Variants in SMYD3 observed in about 807,000 individuals in gnomAD.
SMYD3 encodes the protein histone-lysine N-methyltransferase SMYD3.
A neutral mutation model predicts 57.7 loss-of-function variants in SMYD3; 36 were observed. The ratio of observed to expected loss-of-function variants is 0.62; its 90% CI spans 0.48 to 0.82. The LOEUF is 0.82. Among genes scored for constraint, SMYD3 ranks in the 40% least tolerant of loss-of-function variants. SMYD3 has a pLI of 0.00. For synonymous variants in SMYD3, 211 were observed against 195.0 expected (o/e 1.08, Z -0.68); for missense variants, 515 against 538.8 (o/e 0.96, Z 0.44).
intron 5 of SMYD3, among the ~76,000 whole-genome samples, chr1:246,285,905 G>A (rs909946782): frequency 9.2e-5 from 14 of 152,030 alleles, no homozygotes; most frequent in African/African-American, 3.4e-4. Context: ...CCTCACTAAT[G>A]ATCAGGGAAA....
intron 10 of SMYD3, among the ~76,000 whole-genome samples, chr1:245,821,419 G>A (rs1226522119): frequency 2.0e-5 from 3 of 150,420 alleles, no homozygotes; most frequent in African/African-American, 7.3e-5. Context: ...AGACTTAAAT[G>A]TTAGACCTAA....
At chr1:246,481,914 T>G (rs1182942974) in intron 1 of SMYD3, among the ~76,000 whole-genome samples, 6 of 151,726 alleles carry the variant, frequency 4.0e-5, no homozygotes, top group Non-Finnish European at 8.8e-5. Flanking sequence ...CCCAGCACTT[T>G]GGGAGGCCAA....
At chr1:245,818,088 A>C (rs992801849) in intron 10 of SMYD3, among the ~76,000 whole-genome samples, 1 of 151,976 alleles carries the variant, frequency 6.6e-6, no homozygotes, top group African/African-American at 2.4e-5. Context: ...TCCAAGACAC[A>C]TAATTGTCAG....
intron 5 of SMYD3, among the ~76,000 whole-genome samples, chr1:246,078,826 C>T (rs2060589220): frequency 1.3e-5 from 2 of 152,134 alleles, no homozygotes; most frequent in South Asian, 2.1e-4. Context: ...GAAAAGTCAA[C>T]GATGATCTAT....
At chr1:246,084,195 C>CTTTTTTTT (rs772938424) in intron 5 of SMYD3, among the ~76,000 whole-genome samples, 101 of 135,430 alleles carry the variant, frequency 7.5e-4, no homozygotes, top group African/African-American at 2.3e-3. Context: ...CTGACAATTC[C>CTTTTTTTT]TTTTTTTTTT....
intron 11 of SMYD3, among the ~76,000 whole-genome samples, chr1:245,754,083 T>C (rs1002191622): frequency 3.3e-5 from 5 of 152,166 alleles, no homozygotes; most frequent in Non-Finnish European, 5.9e-5. Context: ...AAAAGCAGCA[T>C]AGCTTGTCTG....
At chr1:246,292,271 C>T (rs2064709006) in intron 5 of SMYD3, among the ~76,000 whole-genome samples, 1 of 151,966 alleles carries the variant, frequency 6.6e-6, no homozygotes, top group African/African-American at 2.4e-5. Context: ...GACTTACTAT[C>T]CAACACACCA....
At chr1:246,429,578 C>T (rs1032992184) in intron 1 of SMYD3, among the ~76,000 whole-genome samples, 5 of 152,216 alleles carry the variant, frequency 3.3e-5, no homozygotes, top group African/African-American at 1.2e-4. Context: ...ACTCTATACA[C>T]AGGCTGAGAA....
At chr1:246,284,294 C>G (rs2064510955) in intron 5 of SMYD3, among the ~76,000 whole-genome samples, 1 of 152,212 alleles carries the variant, frequency 6.6e-6, no homozygotes, top group Non-Finnish European at 1.5e-5. Flanking sequence ...AATCTTTCAG[C>G]TTTCCTTTGA....
intron 1 of SMYD3, among the ~76,000 whole-genome samples, chr1:246,485,749 C>T (rs1203054097): frequency 2.6e-5 from 4 of 152,084 alleles, no homozygotes. Context: ...AGGATCACAC[C>T]ACTGCAGTCC....
At chr1:245,968,481 A>G (rs2058212103) in intron 5 of SMYD3, among the ~76,000 whole-genome samples, 1 of 152,326 alleles carries the variant, frequency 6.6e-6, no homozygotes, top group South Asian at 2.1e-4. Context: ...TTTCCATTTC[A>G]ACAAAATGAT....
chr1:246,211,890 G>GTAAT (rs2063094337), intron 5 of SMYD3, among the ~76,000 whole-genome samples: 1 of 149,546 alleles, frequency 6.7e-6, no homozygotes, highest in Non-Finnish European at 1.5e-5. Flanking sequence ...TGAGTAAAAT[G>GTAAT]TAATCCCTGT....
rs568231411 is a variant in SMYD3, at chr1:245,809,596, C to T, written c.1077-45447G>A. Among the ~76,000 whole-genome samples, 14 of 152,312 alleles carry T rather than the reference C, an allele frequency of 9.2e-5. 1 individual carries two copies. Among genetic ancestry groups the T allele is most frequent in the African/African-American group, 1.4e-4 (6 of 41,572 alleles). The stretch of plus-strand genomic sequence containing the variant: ...AGGTGAGAGAGAACAAGGAGTGCAA[C>T]GTCAGGAAGGCATTGTTTAGATTCC... On this transcript the variant is annotated intron_variant, in intron 10 of 11. Coordinates refer to ENST00000490107, the MANE Select transcript of SMYD3 (RefSeq NM_001167740.2).
intron 1 of SMYD3, among the ~76,000 whole-genome samples, chr1:246,500,034 T>C (rs1016949109): frequency 1.9e-5 from 2 of 105,798 alleles, no homozygotes; most frequent in Non-Finnish European, 4.1e-5. Context: ...TGTTGCCTGA[T>C]AATGCTGGAT....
chr1:246,189,221 C>T (rs2148318265), intron 5 of SMYD3: 1 of 152,284 alleles, frequency 6.6e-6, no homozygotes, highest in South Asian at 2.1e-4. Flanking sequence ...CCTCCCACCC[C>T]ACTACACAGA....
intron 10 of SMYD3, among the ~76,000 whole-genome samples, chr1:245,765,576 T>C (rs1454991087): frequency 6.6e-6 from 1 of 152,134 alleles, no homozygotes; most frequent in East Asian, 1.9e-4. Flanking sequence ...ATACAAGTAT[T>C]GTGAAGACAA....
intron 5 of SMYD3, among the ~76,000 whole-genome samples, chr1:245,970,076 A>G (rs2148022442): frequency 1.3e-5 from 2 of 152,376 alleles, no homozygotes; most frequent in Middle Eastern, 3.4e-3. Context: ...ACAAGGCTAC[A>G]GCAGCCAAAA....
intron 5 of SMYD3, among the ~76,000 whole-genome samples, chr1:246,200,479 G>A (rs200724026): frequency 2.6e-5 from 4 of 150,980 alleles, no homozygotes; most frequent in African/African-American, 9.8e-5. Context: ...GTACACAGAC[G>A]CCCACTGTAA....
rs1351872729 is a variant in SMYD3, at chr1:246,275,903, A to G, written c.531+51298T>C. 2.0e-5 allele frequency among the ~76,000 whole-genome samples: 3 copies of G among 151,950 alleles called. No individual in the cohort carries two copies. The South Asian group carries it at 6.2e-4, about 32-fold the overall frequency. ...CACTGGCAAGTTATTTAATGTTTCT[A>G]GTGGAGTCTGATGCCCATGTTTGAA... On this transcript the variant is annotated intron_variant, in intron 5 of 11. Coordinates refer to ENST00000490107, the MANE Select transcript of SMYD3 (RefSeq NM_001167740.2).
Sources: allele counts gnomAD v4.1 joint callset (sites outside exome capture counted in the v4.1 genomes callset), GRCh38; gene constraint gnomAD v4.1.1; transcripts MANE v1.5; gene names NCBI Gene and HGNC (gene_info 2026-07-23, HGNC 2026-07-21).